The following RBAK variants were observed in gnomAD, a reference collection of about 807,000 sequenced individuals.
RBAK encodes RB-associated KRAB zinc finger protein.
Under a neutral mutation model 65.8 loss-of-function variants are expected in RBAK, and 39 were observed. The observed-to-expected ratio is 0.59, with a 90% CI of 0.46 to 0.77. The LOEUF (loss-of-function observed/expected upper bound fraction) is 0.77, where lower values mean the gene tolerates loss of function less well. Among genes scored for constraint, RBAK ranks in the 30% least tolerant of loss-of-function variants. The probability of loss-of-function intolerance (pLI) is 0.00; values close to 1 mark genes in which losing one functional copy is unlikely to be tolerated. For synonymous variants in RBAK, 343 were observed against 289.7 expected, an observed-to-expected ratio of 1.18 and a Z score of -1.87; for missense variants, 884 against 855.1, an observed-to-expected ratio of 1.03 and a Z score of -0.42.
intron 4 of RBAK, among the ~76,000 whole-genome samples, chr7:5,062,660 A>T (rs1050001187): frequency 6.6e-6 from 1 of 152,154 alleles, no homozygotes; most frequent in Non-Finnish European, 1.5e-5. Flanking sequence ...CCTCTTCCTA[A>T]TAAGCCTGGG....
chr7:5,064,670 A>G lies in RBAK; in HGVS notation c.1214A>G (p.Glu405Gly), dbSNP rs759735661. 2 of 1,612,118 alleles carry G rather than the reference A, an allele frequency of 1.2e-6. No homozygotes were observed. The highest frequency in any genetic ancestry group is 2.2e-5 in the South Asian group (2 of 90,950). ...HTGEKLYKCN[E>G]CGKSYYRKST... is the part of the protein sequence containing the mutation. ...GGAGAGAAGCTTTATAAATGTAATG[A>G]ATGTGGGAAATCCTACTACCGAAAG... The change falls in exon 5 of 5, where the codon GAA becomes GGA. Residue 405 changes from glutamate to glycine, a missense_variant. By Grantham distance (98) the Glu-to-Gly change is moderately conservative. Transcript: ENST00000396912. This position sits in a 1 kb window ranked among gnomAD's most constrained non-coding sequence, Gnocchi z 6.3.
chr7:5,061,020 G>A (rs1016815106), intron 4 of RBAK, among the ~76,000 whole-genome samples: 2 of 152,178 alleles, frequency 1.3e-5, no homozygotes, highest in Non-Finnish European at 2.9e-5. Context: ...GGGAACTCTT[G>A]TTTGTATTCA....
chr7:5,063,899 C>T lies in RBAK; in HGVS notation c.443C>T (p.Ser148Leu), dbSNP rs183186992. The T allele has an allele frequency of 8.7e-5, 141 of 1,613,876 alleles. 1 individual carries two copies. Among genetic ancestry groups the T allele is most frequent in the Admixed American group, 2.0e-4 (12 of 60,006 alleles). ...VSCGKNLESI[S>L]QLISSDGSYA... is the part of the protein sequence containing the mutation. ...TGTGGAAAGAATTTAGAATCTATTT[C>T]GCAATTAATTAGTAGTGATGGAAGC... Residue 148 changes from serine to leucine, a missense_variant, in exon 5 of 5, where the codon TCG becomes TTG. Transcript: ENST00000396912.
At position 5,048,054 on chromosome 7, in the gene RBAK, C is replaced by T. The variant is rs1228408116; in HGVS notation, c.-23C>T. 6.3e-7 allele frequency: 1 copy of T among 1,593,162 alleles called. No individual in the cohort carries two copies. Among genetic ancestry groups the T allele is most frequent in the Non-Finnish European group, 8.5e-7 (1 of 1,169,684 alleles). On this transcript the variant is annotated 5_prime_UTR_variant, in exon 2 of 5. Transcript: ENST00000396912. This position sits in a 1 kb window ranked among gnomAD's most constrained non-coding sequence, Gnocchi z 4.4. ...CTAGGTCTACCAGCCACAGTCTCTG[C>T]ACGTTTCCAAGAGCAGCAGAAAATG... is the stretch of plus-strand genomic sequence containing the variant.
chr7:5,062,681 G>A (rs1779105955), intron 4 of RBAK, among the ~76,000 whole-genome samples: 1 of 152,150 alleles, frequency 6.6e-6, no homozygotes, highest in Non-Finnish European at 1.5e-5. Flanking sequence ...AGCACTATGG[G>A]AGACTGGGAT....
At chr7:5,055,784 C>T (rs946713389) in intron 2 of RBAK, among the ~76,000 whole-genome samples, 2 of 151,952 alleles carry the variant, frequency 1.3e-5, no homozygotes, top group African/African-American at 4.8e-5. Context: ...AAGGTTATTA[C>T]TCTCTCTCGG....
In RBAK at chr7:5,048,176, T is replaced by A; in HGVS notation, c.15+85T>A. 6.3e-7 allele frequency: 1 copy of A among 1,575,642 alleles called. No homozygotes were observed. The highest frequency in any genetic ancestry group is 1.2e-5 in the South Asian group (1 of 86,664). The stretch of plus-strand genomic sequence containing the variant: ...GTTTGTAAGGATTCTTACCTTTTTT[T>A]TTTTCTTTTTTTTTGAGATGGAGTC... On this transcript the variant is annotated intron_variant, in intron 2 of 4. Transcript: ENST00000396912. This position sits in a 1 kb window ranked among gnomAD's most constrained non-coding sequence, Gnocchi z 4.4.
At position 5,067,603 on chromosome 7, in the gene RBAK, A is replaced by G. The variant is rs1258422623; in HGVS notation, c.*2002A>G. On this transcript the variant is annotated 3_prime_UTR_variant, in exon 5 of 5. Coordinates refer to ENST00000396912, the MANE Select transcript of RBAK (RefSeq NM_021163.4). ...CAAGCTAATTCTAGAATTCATATGC[A>G]TATTCAAAAGTCGAATAATTGTCAA... 1 of 152,248 alleles carries G rather than the reference A, an allele frequency of 6.6e-6. No homozygotes were observed. The highest frequency in any genetic ancestry group is 1.5e-5 in the Non-Finnish European group (1 of 68,022). The allele number at this position is 152,248 out of a possible 1,614,324, so 9.4% of individuals were successfully genotyped here.
At position 5,046,604 on chromosome 7, in the gene RBAK, C is replaced by T. The variant is rs372307035; in HGVS notation, c.-45+208C>T. ...AGGCTTATGGGGGCCTGGAGGGTGT[C>T]ACCAGCCTCAGCTGCGGACGTCGTC... On this transcript the variant is annotated intron_variant, in intron 1 of 4. Transcript: ENST00000396912. 2.6e-5 allele frequency among the ~76,000 whole-genome samples: 4 copies of T among 152,310 alleles called. No individual in the cohort carries two copies. The South Asian group carries it at 8.3e-4, about 32-fold the overall frequency.
chr7:5,047,601 C>CT (rs1037439035), intron 1 of RBAK, among the ~76,000 whole-genome samples: 1,976 of 100,820 alleles, frequency 0.02, 355 homozygotes, highest in African/African-American at 0.029. Flanking sequence ...TTTTCACTCT[C>CT]TTTTTTTTTT....
chr7:5,054,599 A>G (rs186631644), intron 2 of RBAK, among the ~76,000 whole-genome samples: 18 of 151,830 alleles, frequency 1.2e-4, no homozygotes, highest in Admixed American at 7.9e-4. Context: ...TTTCTAATAT[A>G]TATATTTTTT....
intron 2 of RBAK, among the ~76,000 whole-genome samples, chr7:5,055,597 C>T (rs780119796): frequency 3.4e-4 from 51 of 151,928 alleles, no homozygotes; most frequent in Non-Finnish European, 4.6e-4. Flanking sequence ...GGAATAAGTC[C>T]CATTTGGCTA....
At chr7:5,059,130 T>C (rs1354569778) in intron 4 of RBAK, among the ~76,000 whole-genome samples, 1 of 152,226 alleles carries the variant, frequency 6.6e-6, no homozygotes, top group East Asian at 1.9e-4. Flanking sequence ...TTCTGTGAAA[T>C]GCCTGGCAGA....
At chr7:5,054,051 C>T (rs1788171304) in intron 2 of RBAK, among the ~76,000 whole-genome samples, 1 of 152,152 alleles carries the variant, frequency 6.6e-6, no homozygotes, top group Non-Finnish European at 1.5e-5. Flanking sequence ...TTGATTGGTT[C>T]ACCTTGTTTA....
chr7:5,063,643 A>T, intron 4 of RBAK, 52 bp from the exon 5 acceptor site: 1 of 1,399,988 alleles, frequency 7.1e-7, no homozygotes, highest in Non-Finnish European at 9.5e-7. Context: ...GTACCTTTCC[A>T]TAGCTAGTGT....
At chr7:5,047,018 A>G (rs1398023487) in intron 1 of RBAK, among the ~76,000 whole-genome samples, 1 of 152,240 alleles carries the variant, frequency 6.6e-6, no homozygotes, top group African/African-American at 2.4e-5. Context: ...AAACAAAACC[A>G]TATTTTATAC....
intron 2 of RBAK, among the ~76,000 whole-genome samples, chr7:5,053,967 C>T (rs188443072): frequency 2.0e-5 from 3 of 152,138 alleles, no homozygotes; most frequent in African/African-American, 4.8e-5. Context: ...TTTCCCATCT[C>T]GCAACTCTTA....
In RBAK at chr7:5,063,942, T is replaced by G; in HGVS notation, c.486T>G (p.Pro162=). The G allele has an allele frequency of 6.2e-7, 1 of 1,614,060 alleles. No individual in the cohort carries two copies. The highest frequency in any genetic ancestry group is 8.5e-7 in the Non-Finnish European group (1 of 1,179,978). ...SSDGSYARTK[P]DECNECGKTY... ...ATGGAAGCTATGCTAGGACAAAACC[T>G]GATGAGTGTAATGAATGTGGGAAAA... The change falls in exon 5 of 5, where the codon CCT becomes CCG. Residue 162 remains proline (P), a synonymous_variant. Coordinates refer to ENST00000396912, the MANE Select transcript of RBAK (RefSeq NM_021163.4).
chr7:5,049,426 C>T (rs753529093), intron 2 of RBAK, among the ~76,000 whole-genome samples: 1 of 152,220 alleles, frequency 6.6e-6, no homozygotes, highest in Non-Finnish European at 1.5e-5. Flanking sequence ...CAGTTACTCT[C>T]TTGTGAAGAT....
Sources: allele counts gnomAD v4.1 joint callset (sites outside exome capture counted in the v4.1 genomes callset), GRCh38; gene constraint gnomAD v4.1.1; non-coding constraint Gnocchi (gnomAD v3.1); transcripts MANE v1.5; gene names NCBI Gene and HGNC (gene_info 2026-07-23, HGNC 2026-07-21).